Variants in TRAPPC10 observed in about 807,000 individuals in gnomAD.
The protein encoded by TRAPPC10 is TRAPP 130 kDa subunit.
Under a neutral mutation model 125.5 loss-of-function variants are expected in TRAPPC10, and 23 were observed. The observed-to-expected ratio is 0.18, with a 90% CI of 0.13 to 0.26. The LOEUF (loss-of-function observed/expected upper bound fraction) is 0.26, where lower values mean the gene tolerates loss of function less well. TRAPPC10 is among the 10% of genes least tolerant of loss of function. TRAPPC10 has a pLI of 1.00. For synonymous variants in TRAPPC10, 509 were observed against 518.0 expected, an observed-to-expected ratio of 0.98 and a Z score of 0.24; for missense variants, 1,123 against 1,308.4, an observed-to-expected ratio of 0.86 and a Z score of 2.19.
At chr21:44,092,754 T>C (rs2038672981) in intron 19 of TRAPPC10, among the ~76,000 whole-genome samples, 1 of 120,830 alleles carries the variant, frequency 8.3e-6, no homozygotes. Context: ...TATAAAATAA[T>C]TGGCTGGATG....
chr21:44,075,189 T>G lies in TRAPPC10; in HGVS notation c.1300+36T>G, dbSNP rs370803495. On this transcript the variant is annotated intron_variant, in intron 9 of 22. Coordinates refer to ENST00000291574, the MANE Select transcript of TRAPPC10 (RefSeq NM_003274.5). ...GTATATACCTGTGTGAGTGGTGAGG[T>G]GGACAGTAATGAAAATGTCCTTTGC... 2.8e-5 allele frequency: 41 copies of G among 1,444,484 alleles called. No individual in the cohort carries two copies. In the African/African-American group the frequency reaches 5.6e-4, roughly 20 times the overall value. The allele number at this position is 1,444,484 out of a possible 1,614,324, so 89.5% of individuals were successfully genotyped here.
At chr21:44,031,221 A>G (rs1043137197) in intron 1 of TRAPPC10, among the ~76,000 whole-genome samples, 5 of 152,210 alleles carry the variant, frequency 3.3e-5, no homozygotes, top group African/African-American at 1.2e-4. Flanking sequence ...GCACACATCA[A>G]TTCCCAATGA....
chr21:44,068,265 A>G (rs960460734), intron 7 of TRAPPC10, among the ~76,000 whole-genome samples: 3 of 152,206 alleles, frequency 2.0e-5, no homozygotes, highest in Non-Finnish European at 1.5e-5. Flanking sequence ...AGGAATGAGT[A>G]GGGGGAGTAA....
At position 44,012,526 on chromosome 21, in the gene TRAPPC10, G is replaced by C; in HGVS notation, c.33G>C (p.Val11=). 6.5e-7 allele frequency: 1 copy of C among 1,535,276 alleles called. No homozygotes were observed. The highest frequency in any genetic ancestry group is 2.0e-5 in the Admixed American group (1 of 50,252). MDASEEPLPP[V]IYTMENKPIV... ...CCTCTGAGGAGCCGCTGCCGCCGGT[G>C]ATCTACACCATGGAGAACAAGCCCA... Residue 11 remains valine (V), a synonymous_variant, in exon 1 of 23, where the codon GTG becomes GTC. Coordinates refer to ENST00000291574, the MANE Select transcript of TRAPPC10 (RefSeq NM_003274.5).
At chr21:44,061,413 CG>C (rs759243225) in intron 6 of TRAPPC10, among the ~76,000 whole-genome samples, 3 of 152,044 alleles carry the variant, frequency 2.0e-5, no homozygotes, top group Non-Finnish European at 4.4e-5. Flanking sequence ...GGATTACAGG[CG>C]TGAGCCACTG....
intron 20 of TRAPPC10, among the ~76,000 whole-genome samples, chr21:44,095,627 G>A (rs111395971): frequency 3.6e-4 from 54 of 152,086 alleles, no homozygotes; most frequent in African/African-American, 1.2e-3. Context: ...GCAGTGGCGC[G>A]ATCTCGGCTC....
At position 44,036,287 on chromosome 21, in the gene TRAPPC10, C is replaced by T. The variant is rs182262972; in HGVS notation, c.150-1505C>T. On this transcript the variant is annotated intron_variant, in intron 2 of 22. Transcript: ENST00000291574. ...CATAAAATACATTTACGAGCAGCCT[C>T]CCCACAGTCCTGAGGGAAAGTACCC... Among the ~76,000 whole-genome samples the T allele has an allele frequency of 3.2e-3, 487 of 152,340 alleles. 2 individuals carry two copies. Among genetic ancestry groups the T allele is most frequent in the African/African-American group, 0.011 (455 of 41,574 alleles).
rs966950979 is a variant in TRAPPC10, at chr21:44,091,812, C to T, written c.2871-111C>T. On this transcript the variant is annotated intron_variant, in intron 18 of 22. Coordinates refer to ENST00000291574, the MANE Select transcript of TRAPPC10 (RefSeq NM_003274.5). ...TTATGCAACAACTTAGCTTACTTTG[C>T]TTTGTTGCTTTTTTGATTCCCCAGG... is the stretch of plus-strand genomic sequence containing the variant. 6 of 1,043,332 alleles carry T rather than the reference C, an allele frequency of 5.8e-6. No individual in the cohort carries two copies. The African/African-American group carries it at 6.5e-5, about 11-fold the overall frequency. The allele number at this position is 1,043,332 out of a possible 1,614,324, so 64.6% of individuals were successfully genotyped here. A position where few individuals can be genotyped will look rare whatever the true frequency, so the allele number is the denominator to read the frequency against.
At chr21:44,028,963 T>C (rs2033326149) in intron 1 of TRAPPC10, among the ~76,000 whole-genome samples, 3 of 152,236 alleles carry the variant, frequency 2.0e-5, no homozygotes, top group Admixed American at 2.0e-4. Context: ...CTCTAGTGAC[T>C]TTTCTGCTTA....
chr21:44,094,016 T>C, intron 19 of TRAPPC10, 47 bp from the exon 20 acceptor site: 1 of 1,577,990 alleles, frequency 6.3e-7, no homozygotes, highest in Non-Finnish European at 8.6e-7. Flanking sequence ...GTGTCCTCTT[T>C]GCGGTTATGG....
chr21:44,079,390 C>T, intron 11 of TRAPPC10, 174 bp from the exon 12 acceptor site: 1 of 610,678 alleles, frequency 1.6e-6, no homozygotes, highest in Non-Finnish European at 2.7e-6. Flanking sequence ...TTATGTCGTC[C>T]TGAGTAGGTA....
intron 6 of TRAPPC10, chr21:44,060,323 T>A (rs990751642): frequency 2.0e-5 from 3 of 149,358 alleles, no homozygotes; most frequent in African/African-American, 4.9e-5. Flanking sequence ...TTGCCCAGGC[T>A]GGAGTGCAGT....
chr21:44,012,483 G>A lies in TRAPPC10; in HGVS notation c.-11G>A. 5 of 1,474,778 alleles carry A rather than the reference G, an allele frequency of 3.4e-6. No homozygotes were observed. Among genetic ancestry groups the A allele is most frequent in the Non-Finnish European group, 4.5e-6 (5 of 1,105,042 alleles). The allele number at this position is 1,474,778 out of a possible 1,614,324, so 91.4% of individuals were successfully genotyped here. A position where few individuals can be genotyped will look rare whatever the true frequency, so the allele number is the denominator to read the frequency against. Reference sequence around the variant, plus strand: ...GGGCGCGGGGGGCCGGGCCGGTGACGCCGGACGCCCATGGACGCCTCTGAG... The same window carrying A: ...GGGCGCGGGGGGCCGGGCCGGTGACACCGGACGCCCATGGACGCCTCTGAG... On this transcript the variant is annotated 5_prime_UTR_variant, in exon 1 of 23. Transcript: ENST00000291574.
In TRAPPC10 at chr21:44,014,575, T is replaced by G. The variant is rs140921883; in HGVS notation, c.67+2015T>G. 3.0e-3 allele frequency among the ~76,000 whole-genome samples: 433 copies of G among 146,676 alleles called. 4 individuals carry two copies. The highest frequency in any genetic ancestry group is 0.011 in the African/African-American group (405 of 37,074). On this transcript the variant is annotated intron_variant, in intron 1 of 22. Coordinates refer to ENST00000291574, the MANE Select transcript of TRAPPC10 (RefSeq NM_003274.5). ...CGCATGCTGCCATGCCCGGCTAATT[T>G]TTTGTTTGTTTGTTTTTGTTTTTTT...
In TRAPPC10 at chr21:44,092,286, C is replaced by T. The variant is rs189134409; in HGVS notation, c.2997+237C>T. ...AGAAGAATTAAATCTGAAACTGGTC[C>T]CACTCTATGCGTAGACGTGTGCAGA... On this transcript the variant is annotated intron_variant, in intron 19 of 22. Transcript: ENST00000291574. 9.2e-5 allele frequency among the ~76,000 whole-genome samples: 14 copies of T among 152,272 alleles called. No homozygotes were observed. In the East Asian group the frequency reaches 1.5e-3, roughly 17 times the overall value.
rs746339197 is a variant in TRAPPC10 at position 44,084,175 on chromosome 21, C to G, written c.2292C>G (p.Ser764=). Reference sequence around the variant, plus strand: ...GGCAGCTGTGCGCCTCGGTGGGCTCCGTGTGGTTCGTCCTCCCTCACATCT... The same window carrying G: ...GGCAGCTGTGCGCCTCGGTGGGCTCGGTGTGGTTCGTCCTCCCTCACATCT... ...TLRQLCASVG[S]VWFVLPHIYP... The change falls in exon 15 of 23, where the codon TCC becomes TCG. Residue 764 remains serine (S), a synonymous_variant. Transcript: ENST00000291574. 6.2e-7 allele frequency: 1 copy of G among 1,614,210 alleles called. No homozygotes were observed. The highest frequency in any genetic ancestry group is 8.5e-7 in the Non-Finnish European group (1 of 1,180,046).
At position 44,079,822 on chromosome 21, in the gene TRAPPC10, C is replaced by T. The variant is rs185202935; in HGVS notation, c.1610+118C>T. On this transcript the variant is annotated intron_variant, in intron 12 of 22. Transcript: ENST00000291574. The stretch of plus-strand genomic sequence containing the variant: ...AAGGAGAGAAAAGTCCTAACTTATA[C>T]ATATGTATTGTATAGAAAATGAATG... The T allele has an allele frequency of 1.3e-4, 158 of 1,175,606 alleles. No individual in the cohort carries two copies. The African/African-American group carries it at 2.2e-3, about 16-fold the overall frequency. The allele number at this position is 1,175,606 out of a possible 1,614,324, so 72.8% of individuals were successfully genotyped here. A position where few individuals can be genotyped will look rare whatever the true frequency, so the allele number is the denominator to read the frequency against.
chr21:44,044,435 G>C (rs1405118899), intron 3 of TRAPPC10, among the ~76,000 whole-genome samples: 1 of 151,590 alleles, frequency 6.6e-6, no homozygotes, highest in Non-Finnish European at 1.5e-5. Context: ...AGGACTTATA[G>C]AGTACATCTG....
chr21:44,072,835 T>C (rs1405624333), intron 7 of TRAPPC10, among the ~76,000 whole-genome samples: 1 of 152,138 alleles, frequency 6.6e-6, no homozygotes, highest in Admixed American at 6.5e-5. Context: ...TTTTGCGCAG[T>C]GGGTACTGAT....
Sources: gnomAD v4.1 joint callset for allele counts (sites outside exome capture counted in the v4.1 genomes callset) on GRCh38, gnomAD v4.1.1 for gene constraint, MANE v1.5 for transcripts, NCBI Gene and HGNC (gene_info 2026-07-23, HGNC 2026-07-21) for gene names.